MAP4K1: variants seen among roughly 807,000 people sequenced by gnomAD.
MAP4K1 encodes the protein mitogen-activated protein kinase kinase kinase kinase 1, also known as MAPK/ERK kinase kinase kinase 1.
A neutral mutation model predicts 122.8 loss-of-function variants in MAP4K1; 35 were observed. The ratio of observed to expected loss-of-function variants is 0.29; its 90% CI spans 0.22 to 0.38. MAP4K1 has a LOEUF of 0.38. Ranked by LOEUF, MAP4K1 falls within the 10% of genes least tolerant of loss-of-function variation. MAP4K1 has a pLI of 1.00. For synonymous variants in MAP4K1, 412 were observed against 421.3 expected (o/e 0.98, Z 0.27); for missense variants, 791 against 1,072.6 (o/e 0.74, Z 3.67).
At chr19:38,610,969 G>A in intron 11 of MAP4K1, 82 bp downstream of exon 11, 1 of 1,287,388 alleles carries the variant, frequency 7.8e-7, no homozygotes, top group Non-Finnish European at 1.1e-6. Context: ...GGACTCCATG[G>A]AACAAAGTTA....
intron 19 of MAP4K1, among the ~76,000 whole-genome samples, chr19:38,603,964 A>C: frequency 6.7e-6 from 1 of 150,270 alleles, no homozygotes. Flanking sequence ...AGCCTGGGCG[A>C]CAGAGTGAGA....
chr19:38,614,739 G>T, intron 4 of MAP4K1: 1 of 436,262 alleles, frequency 2.3e-6, no homozygotes, highest in East Asian at 4.6e-5. Flanking sequence ...TGGCCAACAT[G>T]GTGAAACCCC....
Position 38,587,665 on chromosome 19 carries a change from G to T in MAP4K1, c.*83C>A. On this transcript the variant is annotated 3_prime_UTR_variant, in exon 31 of 31. Coordinates refer to ENST00000396857, the MANE Select transcript of MAP4K1 (RefSeq NM_001042600.3). The stretch of plus-strand genomic sequence containing the variant: ...AGCAGAGGCTAAAGTCATGTTTATT[G>T]GGAGATGAGGACATGCCATGACCAC... 3 of 1,105,698 alleles carry T rather than the reference G, an allele frequency of 2.7e-6. No homozygotes were observed. Among genetic ancestry groups the T allele is most frequent in the Non-Finnish European group, 4.2e-6 (3 of 721,740 alleles). The allele number at this position is 1,105,698 out of a possible 1,614,324, so 68.5% of individuals were successfully genotyped here.
At chr19:38,616,907 GA>G (rs1202445593) in intron 3 of MAP4K1, among the ~76,000 whole-genome samples, 1 of 152,068 alleles carries the variant, frequency 6.6e-6, no homozygotes, top group Non-Finnish European at 1.5e-5. Flanking sequence ...GGGGGTCCAG[GA>G]TGGGAGGTCG....
rs1974933804 is a variant in MAP4K1 at position 38,597,739 on chromosome 19, CATTT to C, written c.1670-149_1670-146del. On this transcript the variant is annotated intron_variant, in intron 22 of 30. Transcript: ENST00000396857. This position sits in a 1 kb window ranked among gnomAD's most constrained non-coding sequence, Gnocchi z 4.6. ...CTCAAGTACTTGTCATTCATTCATT[CATTT>C]CTCACTCCACATAGATTGAACGTCC... The C allele has an allele frequency of 6.6e-6, 4 of 610,480 alleles. No homozygotes were observed. Among genetic ancestry groups the C allele is most frequent in the Non-Finnish European group, 8.6e-6 (3 of 347,356 alleles). The allele number at this position is 610,480 out of a possible 1,614,324, so 37.8% of individuals were successfully genotyped here.
intron 20 of MAP4K1, 130 bp from the exon 21 acceptor site, chr19:38,600,283 C>T: frequency 1.4e-6 from 1 of 728,332 alleles, no homozygotes; most frequent in Non-Finnish European, 2.3e-6. Context: ...CAAACCAATA[C>T]TCCCAGCCTC....
intron 4 of MAP4K1, 129 bp from the exon 5 acceptor site, chr19:38,614,574 G>T: frequency 4.2e-6 from 4 of 957,282 alleles, no homozygotes; most frequent in Non-Finnish European, 6.6e-6. Context: ...GGACCAGTGG[G>T]AGGGGGAGAT....
chr19:38,597,435 G>A lies in MAP4K1; in HGVS notation c.1778+51C>T. 3 of 1,612,344 alleles carry A rather than the reference G, an allele frequency of 1.9e-6. No individual in the cohort carries two copies. Among genetic ancestry groups the A allele is most frequent in the Non-Finnish European group, 8.5e-7 (1 of 1,178,424 alleles). On this transcript the variant is annotated intron_variant, in intron 23 of 30. Transcript: ENST00000396857. The surrounding 1 kb of genome is among the most constrained non-coding windows in gnomAD (Gnocchi z 4.6). ...GGGTAGGACAGCAGGAGGCAGAGGG[G>A]CATGGGAGGAATTATAAGGCTGTGT...
intron 30 of MAP4K1, among the ~76,000 whole-genome samples, chr19:38,588,412 C>T (rs920319691): frequency 5.3e-5 from 8 of 151,990 alleles, no homozygotes; most frequent in South Asian, 2.1e-4. Context: ...ATGACAAGGC[C>T]GGGCATGGTG....
intron 13 of MAP4K1, among the ~76,000 whole-genome samples, chr19:38,608,643 T>A (rs1184947591): frequency 1.3e-5 from 2 of 150,846 alleles, no homozygotes; most frequent in Non-Finnish European, 1.5e-5. Context: ...TAAAAAAAAA[T>A]ACAAAAATTA....
chr19:38,597,284 G>GGCCCC lies in MAP4K1; in HGVS notation c.1837+37_1837+41dup. The GGCCCC allele has an allele frequency of 1.2e-6, 2 of 1,612,398 alleles. No individual in the cohort carries two copies. The highest frequency in any genetic ancestry group is 1.7e-6 in the Non-Finnish European group (2 of 1,178,956). On this transcript the variant is annotated intron_variant, in intron 24 of 30. Transcript: ENST00000396857. The surrounding 1 kb of genome is among the most constrained non-coding windows in gnomAD (Gnocchi z 4.6). ...GCAGTTCAAGCCCCTCCTCTGGCCT[G>GGCCCC]GCCCCGCCCACTCTCTGCACACCCG...
rs767330997 is a variant in MAP4K1 at position 38,600,167 on chromosome 19, C to A, written c.1532-14G>T. On this transcript the variant is annotated splice_polypyrimidine_tract_variant and intron_variant, in intron 20 of 30. Transcript: ENST00000396857. ...GCAGGTGCTGGTCTGGAGGCACAGA[C>A]AAGGACGCTGGGACCGACTTCATCC... 1 of 1,613,204 alleles carries A rather than the reference C, an allele frequency of 6.2e-7. No homozygotes were observed.
chr19:38,611,367 G>T (rs947154527), intron 9 of MAP4K1, 62 bp from the exon 10 acceptor site: 2 of 1,112,568 alleles, frequency 1.8e-6, no homozygotes, highest in Non-Finnish European at 1.4e-6. Flanking sequence ...CTCATGGCTT[G>T]AGGGGTTCCT....
Position 38,600,165 on chromosome 19 carries a change from G to T in MAP4K1, c.1532-12C>A. The stretch of plus-strand genomic sequence containing the variant: ...GAGCAGGTGCTGGTCTGGAGGCACA[G>T]ACAAGGACGCTGGGACCGACTTCAT... On this transcript the variant is annotated splice_polypyrimidine_tract_variant and intron_variant, in intron 20 of 30. Coordinates refer to ENST00000396857, the MANE Select transcript of MAP4K1 (RefSeq NM_001042600.3). 1 of 1,613,252 alleles carries T rather than the reference G, an allele frequency of 6.2e-7. No individual in the cohort carries two copies. The highest frequency in any genetic ancestry group is 1.1e-5 in the South Asian group (1 of 91,026).
In MAP4K1 at chr19:38,601,711, GTTTTTGTTTT is replaced by G. The variant is rs796632940; in HGVS notation, c.1447-196_1447-187del. 645 of 546,150 alleles carry G rather than the reference GTTTTTGTTTT, an allele frequency of 1.2e-3. 4 individuals are homozygous for G. The highest frequency in any genetic ancestry group is 0.012 in the African/African-American group (572 of 49,508). 33.8% of individuals were successfully genotyped at this position (546,150 alleles called of 1,614,324 possible). A position where few individuals can be genotyped will look rare whatever the true frequency, so the allele number is the denominator to read the frequency against. On this transcript the variant is annotated intron_variant, in intron 19 of 30. Coordinates refer to ENST00000396857, the MANE Select transcript of MAP4K1 (RefSeq NM_001042600.3). Reference sequence around the variant, plus strand: ...ATACATTGAGTTTTCTTTTCAGTTTGTTTTTGTTTTTTTTTGTTGTTGTTATATATTTCTT... The same window carrying G: ...ATACATTGAGTTTTCTTTTCAGTTTGTTTTTGTTGTTGTTATATATTTCTT...
chr19:38,609,945 T>A lies in MAP4K1; in HGVS notation c.891A>T (p.Gly297=). The change falls in exon 12 of 31, where the codon GGA becomes GGT. Residue 297 remains glycine, a synonymous_variant. Transcript: ENST00000396857. ...CATCCTCAATGTCCCCAATGGAGGG[T>A]CCTTTCCCGGGATTCTTCAGTTTGT... The part of the protein sequence containing the change: ...LLDKLKNPGK[G]PSIGDIEDEE... 6.2e-7 allele frequency: 1 copy of A among 1,614,164 alleles called. No homozygotes were observed. The highest frequency in any genetic ancestry group is 8.5e-7 in the Non-Finnish European group (1 of 1,180,024).
chr19:38,602,914 A>G (rs922730953), intron 19 of MAP4K1, among the ~76,000 whole-genome samples: 4 of 149,602 alleles, frequency 2.7e-5, no homozygotes, highest in Admixed American at 6.7e-5. Context: ...ACACACATGT[A>G]CACATATACG....
intron 16 of MAP4K1, among the ~76,000 whole-genome samples, chr19:38,607,559 C>CAAAA (rs759008757): frequency 1.8e-4 from 10 of 54,892 alleles, no homozygotes; most frequent in Non-Finnish European, 2.5e-4. Flanking sequence ...GACTCCATCT[C>CAAAA]AAAAAAAAAA....
intron 8 of MAP4K1, among the ~76,000 whole-genome samples, chr19:38,613,536 CA>C (rs1384397440): frequency 6.6e-6 from 1 of 151,204 alleles, no homozygotes; most frequent in Non-Finnish European, 1.5e-5. Context: ...AAAAACAAAA[CA>C]AAATGAAAAG....
Sources: gnomAD v4.1 joint callset for allele counts (sites outside exome capture counted in the v4.1 genomes callset) on GRCh38, gnomAD v4.1.1 for gene constraint, Gnocchi (gnomAD v3.1) non-coding constraint, MANE v1.5 for transcripts, NCBI Gene and HGNC (gene_info 2026-07-23, HGNC 2026-07-21) for gene names.